PCDH9: variants seen among roughly 807,000 people sequenced by gnomAD.
PCDH9 encodes the protein protocadherin 9.
PCDH9 carries 24 observed loss-of-function variants against 70.6 expected under a neutral mutation model. The ratio of observed to expected loss-of-function variants is 0.34; its 90% CI spans 0.25 to 0.48. The LOEUF (loss-of-function observed/expected upper bound fraction) is 0.48. PCDH9 is among the 20% of genes least tolerant of loss of function. The probability of loss-of-function intolerance (pLI) is 0.99; values close to 1 mark genes in which losing one functional copy is unlikely to be tolerated. For synonymous variants in PCDH9, 562 were observed against 558.5 expected, an observed-to-expected ratio of 1.01 and a Z score of -0.09; for missense variants, 1,281 against 1,503.6, an observed-to-expected ratio of 0.85 and a Z score of 2.45.
chr13:66,892,684 A>C (rs963591797), intron 3 of PCDH9, among the ~76,000 whole-genome samples: 1 of 152,108 alleles, frequency 6.6e-6, no homozygotes, highest in Non-Finnish European at 1.5e-5. Context: ...CAAAATCAGG[A>C]AGGCTTTAGG....
chr13:66,907,739 G>C (rs2082388020), intron 2 of PCDH9, among the ~76,000 whole-genome samples: 1 of 152,082 alleles, frequency 6.6e-6, no homozygotes, highest in Non-Finnish European at 1.5e-5. Flanking sequence ...TAAATAGGGG[G>C]TTCTTTACAT....
chr13:66,579,314 C>T (rs192451901), intron 4 of PCDH9, among the ~76,000 whole-genome samples: 4 of 152,026 alleles, frequency 2.6e-5, no homozygotes. Context: ...CATAAAATGA[C>T]TTCATATAAA....
At chr13:66,414,485 A>G (rs1415696131) in intron 4 of PCDH9, among the ~76,000 whole-genome samples, 2 of 152,350 alleles carry the variant, frequency 1.3e-5, no homozygotes, top group East Asian at 3.9e-4. Flanking sequence ...CTTAGGAAGT[A>G]TGGATTGCTT....
rs61269505 is a variant in PCDH9, at chr13:66,975,758, A to G, written c.3037-72153T>C. On this transcript the variant is annotated intron_variant, in intron 2 of 4. Coordinates refer to ENST00000377865, the MANE Select transcript of PCDH9 (RefSeq NM_203487.3). ...GGTGCCAGAAATACAAAAATAATGT[A>G]CTTGACCTTGGGAAGATCTCCGTAT... Among the ~76,000 whole-genome samples the G allele has an allele frequency of 3.1e-3, 473 of 152,184 alleles. 5 individuals are homozygous for G. Among genetic ancestry groups the G allele is most frequent in the African/African-American group, 0.011 (459 of 41,540 alleles).
At chr13:67,199,189 TA>T (rs2089149799) in intron 2 of PCDH9, among the ~76,000 whole-genome samples, 1 of 151,640 alleles carries the variant, frequency 6.6e-6, no homozygotes, top group South Asian at 2.1e-4. Context: ...ATATGTATTA[TA>T]ATTTATTTAT....
chr13:66,923,921 A>G (rs1309024763), intron 2 of PCDH9, among the ~76,000 whole-genome samples: 1 of 151,800 alleles, frequency 6.6e-6, no homozygotes, highest in Non-Finnish European at 1.5e-5. Flanking sequence ...TATCATACTA[A>G]TGAGGTTTAA....
At chr13:66,383,614 T>C (rs530651258) in intron 4 of PCDH9, among the ~76,000 whole-genome samples, 1 of 152,332 alleles carries the variant, frequency 6.6e-6, no homozygotes, top group South Asian at 2.1e-4. Context: ...CATATACAAA[T>C]CCTTTGCTAT....
intron 3 of PCDH9, among the ~76,000 whole-genome samples, chr13:66,797,960 GGTGT>G (rs368524616): frequency 7.5e-5 from 11 of 147,250 alleles, no homozygotes; most frequent in South Asian, 2.2e-4. Context: ...TTTCTTGGGG[GGTGT>G]GTGTGTGTGT....
chr13:66,966,713 G>C (rs538538367), intron 2 of PCDH9, among the ~76,000 whole-genome samples: 1 of 152,026 alleles, frequency 6.6e-6, no homozygotes, highest in Non-Finnish European at 1.5e-5. Flanking sequence ...AGTGATTTTT[G>C]TGCCTGAGCT....
intron 3 of PCDH9, among the ~76,000 whole-genome samples, chr13:66,664,814 A>T (rs1259702423): frequency 6.6e-6 from 1 of 151,952 alleles, no homozygotes; most frequent in African/African-American, 2.4e-5. Context: ...TTAGGCACTT[A>T]CACCCTCTTA....
intron 4 of PCDH9, among the ~76,000 whole-genome samples, chr13:66,535,602 A>G (rs1283525814): frequency 6.6e-6 from 1 of 152,066 alleles, no homozygotes; most frequent in Non-Finnish European, 1.5e-5. Context: ...ACTTTCCAGA[A>G]TTTCATACTA....
chr13:67,054,505 C>T (rs1343639612), intron 2 of PCDH9, among the ~76,000 whole-genome samples: 1 of 152,074 alleles, frequency 6.6e-6, no homozygotes, highest in East Asian at 1.9e-4. Flanking sequence ...TAATTAGCAG[C>T]CTCAGAAATT....
At chr13:67,136,833 T>C (rs552997836) in intron 2 of PCDH9, among the ~76,000 whole-genome samples, 2 of 152,204 alleles carry the variant, frequency 1.3e-5, no homozygotes, top group East Asian at 1.9e-4. Context: ...GGACATTAAT[T>C]TGATAGTTTA....
chr13:66,735,821 G>A (rs113754268), intron 3 of PCDH9, among the ~76,000 whole-genome samples: 116 of 152,116 alleles, frequency 7.6e-4, no homozygotes, highest in African/African-American at 2.7e-3. Context: ...AAAATTAGCT[G>A]GGTGTGGTGG....
intron 3 of PCDH9, among the ~76,000 whole-genome samples, chr13:66,807,614 C>T (rs2080431088): frequency 6.6e-6 from 1 of 151,980 alleles, no homozygotes; most frequent in Non-Finnish European, 1.5e-5. Context: ...AAGATGTTTA[C>T]ACAATGCACA....
At chr13:66,454,411 A>C (rs1407200341) in intron 4 of PCDH9, among the ~76,000 whole-genome samples, 1 of 152,142 alleles carries the variant, frequency 6.6e-6, no homozygotes, top group Non-Finnish European at 1.5e-5. Context: ...GGTTGTAGGG[A>C]CCTTCCTTCT....
At position 66,495,462 on chromosome 13, in the gene PCDH9, G is replaced by C. The variant is rs1200915998; in HGVS notation, c.3340+135748C>G. On this transcript the variant is annotated intron_variant, in intron 4 of 4. Transcript: ENST00000377865. ...TTCAACGGTATCTCCTTCAAGGCGA[G>C]ATGGGGACTAGGAATAAGTTAGCCT... Among the ~76,000 whole-genome samples, 5 of 152,194 alleles carry C rather than the reference G, an allele frequency of 3.3e-5. No individual in the cohort carries two copies. In the East Asian group the frequency reaches 9.6e-4, roughly 29 times the overall value.
At chr13:66,428,451 T>C (rs1957712104) in intron 4 of PCDH9, among the ~76,000 whole-genome samples, 1 of 151,852 alleles carries the variant, frequency 6.6e-6, no homozygotes, top group African/African-American at 2.4e-5. Flanking sequence ...AGAATACATA[T>C]AAAATTGTAG....
intron 2 of PCDH9, among the ~76,000 whole-genome samples, chr13:67,179,912 A>G (rs2088570893): frequency 6.6e-6 from 1 of 152,148 alleles, no homozygotes; most frequent in Non-Finnish European, 1.5e-5. Context: ...TGATTGCAAT[A>G]TAGACTCAAA....
Sources: allele counts gnomAD v4.1 joint callset (sites outside exome capture counted in the v4.1 genomes callset), GRCh38; gene constraint gnomAD v4.1.1; transcripts MANE v1.5; gene names NCBI Gene and HGNC (gene_info 2026-07-23, HGNC 2026-07-21).